CCDC38: variants seen among roughly 807,000 people sequenced by gnomAD.
CCDC38 encodes coiled-coil domain containing 38.
In CCDC38, 69 loss-of-function variants were observed where a neutral mutation model predicts 72.8. The observed-to-expected ratio is 0.95, with a 90% CI of 0.78 to 1.16. The LOEUF is 1.16. Ranked by LOEUF, CCDC38 falls within the 50% of genes most tolerant of loss-of-function variation. The probability of loss-of-function intolerance (pLI) is 0.00; values close to 1 mark genes in which losing one functional copy is unlikely to be tolerated. For missense variants in CCDC38, 626 were observed against 638.9 expected (o/e 0.98, Z 0.22); for synonymous variants, 201 against 213.2 (o/e 0.94, Z 0.50).
chr12:95,943,119 T>C (rs927988956), upstream of CCDC38: 3 of 403,436 alleles, frequency 7.4e-6, no homozygotes, highest in Non-Finnish European at 1.3e-5. Flanking sequence ...ATCTGAAAAG[T>C]AGGGACACTA....
At chr12:95,904,259 C>T (rs2079978821) in intron 5 of CCDC38, among the ~76,000 whole-genome samples, 1 of 152,082 alleles carries the variant, frequency 6.6e-6, no homozygotes, top group South Asian at 2.1e-4. Context: ...ATAAAGATGC[C>T]ATGAAGCCAC....
intron 1 of CCDC38, among the ~76,000 whole-genome samples, chr12:95,939,214 T>C (rs918625123): frequency 1.1e-4 from 17 of 152,142 alleles, no homozygotes; most frequent in African/African-American, 4.1e-4. Flanking sequence ...GAGGGAGGAA[T>C]GTGCCTGGTG....
intron 10 of CCDC38, chr12:95,885,719 C>T (rs1467925848): frequency 6.6e-6 from 1 of 152,536 alleles, no homozygotes. Flanking sequence ...TCATCAGCTC[C>T]CACACAAAGT....
At chr12:95,915,107 T>C (rs926689089) in intron 4 of CCDC38, among the ~76,000 whole-genome samples, 1 of 152,220 alleles carries the variant, frequency 6.6e-6, no homozygotes, top group African/African-American at 2.4e-5. Context: ...TATTCACCAT[T>C]TCAGCTTACT....
At chr12:95,887,802 C>G (rs1031327147) in intron 10 of CCDC38, among the ~76,000 whole-genome samples, 6 of 152,172 alleles carry the variant, frequency 3.9e-5, no homozygotes, top group African/African-American at 1.4e-4. Context: ...GTACGTGAAT[C>G]TAAAACGATC....
At chr12:95,908,396 A>C (rs2080040186) in intron 4 of CCDC38, among the ~76,000 whole-genome samples, 1 of 142,626 alleles carries the variant, frequency 7.0e-6, no homozygotes, top group Non-Finnish European at 1.5e-5. Context: ...GGTTGCAGTG[A>C]GCTGAGATGG....
Position 95,932,774 on chromosome 12 carries a change from T to A in CCDC38, c.37+3699A>T, listed in dbSNP as rs138648486. On this transcript the variant is annotated intron_variant, in intron 2 of 15. Coordinates refer to ENST00000344280, the MANE Select transcript of CCDC38 (RefSeq NM_182496.3). ...AGTTTCTCTAAATAAACTTGATAAG[T>A]AAATTCTAAAATTAGTAAGGAAAAC... Among the ~76,000 whole-genome samples, 209 of 152,312 alleles carry A rather than the reference T, an allele frequency of 1.4e-3. 1 individual carries two copies. Among genetic ancestry groups the A allele is most frequent in the African/African-American group, 4.4e-3 (181 of 41,574 alleles).
intron 5 of CCDC38, among the ~76,000 whole-genome samples, chr12:95,903,252 A>T (rs568485764): frequency 6.6e-6 from 1 of 152,146 alleles, no homozygotes; most frequent in Non-Finnish European, 1.5e-5. Flanking sequence ...CCTTGCTACA[A>T]CCTTGCTAAA....
intron 4 of CCDC38, among the ~76,000 whole-genome samples, chr12:95,914,968 A>G (rs776721405): frequency 6.6e-6 from 1 of 152,202 alleles, no homozygotes; most frequent in Non-Finnish European, 1.5e-5. Flanking sequence ...AACATTTTTA[A>G]TAGAAGAAAA....
intron 11 of CCDC38, 152 bp downstream of exon 11, chr12:95,881,333 A>G (rs534652867): frequency 5.9e-6 from 2 of 340,582 alleles, no homozygotes; most frequent in South Asian, 3.0e-5. Flanking sequence ...GATAGATTAT[A>G]TATCCAATTG....
chr12:95,919,471 A>G (rs1317497290), intron 2 of CCDC38: 1 of 452,420 alleles, frequency 2.2e-6, no homozygotes, highest in South Asian at 1.6e-5. Flanking sequence ...GTTCACAAGG[A>G]CTCAAATATA....
intron 4 of CCDC38, among the ~76,000 whole-genome samples, chr12:95,906,908 G>A (rs1328830597): frequency 6.6e-6 from 1 of 150,740 alleles, no homozygotes; most frequent in Non-Finnish European, 1.5e-5. Flanking sequence ...ATAGTGGAGG[G>A]AAGGTCAGCA....
At chr12:95,928,462 A>C (rs2080297959) in intron 2 of CCDC38, among the ~76,000 whole-genome samples, 1 of 152,170 alleles carries the variant, frequency 6.6e-6, no homozygotes, top group African/African-American at 2.4e-5. Flanking sequence ...CAAAGTTTTC[A>C]ACTTCTTTGC....
intron 3 of CCDC38, 67 bp from the exon 4 acceptor site, chr12:95,917,361 TTA>T: frequency 7.9e-7 from 1 of 1,263,620 alleles, no homozygotes; most frequent in Non-Finnish European, 1.1e-6. Context: ...AAATTAGTGA[TTA>T]TATATAAAAA....
chr12:95,936,476 C>T lies in CCDC38; in HGVS notation c.34G>A (p.Gly12Arg). 6.2e-7 allele frequency: 1 copy of T among 1,612,722 alleles called. No homozygotes were observed. The highest frequency in any genetic ancestry group is 1.1e-5 in the South Asian group (1 of 90,856). The part of the protein sequence containing the change: ...SSNLLPTLNS[G>R]GKVKDGSTKE... ...ATATTGATTGATTTCTTTTTACCTCCAGAATTCAGTGTTGGCAATAAATTT... is the reference window on the plus strand; with the variant it reads ...ATATTGATTGATTTCTTTTTACCTCTAGAATTCAGTGTTGGCAATAAATTT... The change falls in exon 2 of 16, where the codon GGA becomes AGA. Residue 12 changes from glycine to arginine, a missense_variant. Physicochemically the swap from Gly to Arg is moderately radical, Grantham distance 125. Transcript: ENST00000344280.
intron 10 of CCDC38, among the ~76,000 whole-genome samples, chr12:95,884,933 G>A (rs2079741166): frequency 6.6e-6 from 1 of 152,158 alleles, no homozygotes; most frequent in African/African-American, 2.4e-5. Flanking sequence ...ACATATCTTT[G>A]TGGGGGACAT....
At chr12:95,925,336 CTGTT>C (rs1248183647) in intron 2 of CCDC38, among the ~76,000 whole-genome samples, 1 of 152,126 alleles carries the variant, frequency 6.6e-6, no homozygotes, top group Non-Finnish European at 1.5e-5. Context: ...ATTTGGTCCT[CTGTT>C]TGTCTCTTAT....
intron 1 of CCDC38, among the ~76,000 whole-genome samples, chr12:95,939,712 T>A (rs1293038493): frequency 6.6e-6 from 1 of 152,212 alleles, no homozygotes; most frequent in Non-Finnish European, 1.5e-5. Context: ...ATATTAGATA[T>A]CTAAAGGGAC....
intron 10 of CCDC38, among the ~76,000 whole-genome samples, chr12:95,886,923 G>T (rs536705087): frequency 6.6e-6 from 1 of 152,156 alleles, no homozygotes; most frequent in Non-Finnish European, 1.5e-5. Flanking sequence ...GGTGGCTCAC[G>T]CCTGTAATCC....
Sources: gnomAD v4.1 joint callset for allele counts (sites outside exome capture counted in the v4.1 genomes callset) on GRCh38, gnomAD v4.1.1 for gene constraint, MANE v1.5 for transcripts, NCBI Gene and HGNC (gene_info 2026-07-23, HGNC 2026-07-21) for gene names.